The following R3HDM2 variants were observed in gnomAD, a reference collection of about 807,000 sequenced individuals.
The protein encoded by R3HDM2 is R3H domain-containing protein 2.
A neutral mutation model predicts 124.5 loss-of-function variants in R3HDM2; 38 were observed. The observed-to-expected ratio is 0.31, with a 90% confidence interval of 0.24 to 0.40. The LOEUF is 0.40. Ranked by LOEUF, R3HDM2 falls within the 10% of genes least tolerant of loss-of-function variation. The pLI is 1.00. For synonymous variants in R3HDM2, 391 were observed against 448.0 expected, an observed-to-expected ratio of 0.87 and a Z score of 1.61; for missense variants, 869 against 1,236.9, an observed-to-expected ratio of 0.70 and a Z score of 4.46.
intron 2 of R3HDM2, among the ~76,000 whole-genome samples, chr12:57,340,121 G>T (rs887639067): frequency 1.3e-5 from 2 of 152,150 alleles, no homozygotes; most frequent in South Asian, 4.1e-4. Context: ...CCTTGGTAAT[G>T]ACAAACATTT....
chr12:57,341,823 CA>C (rs1269259378), intron 2 of R3HDM2, among the ~76,000 whole-genome samples: 1 of 152,172 alleles, frequency 6.6e-6, no homozygotes, highest in Non-Finnish European at 1.5e-5. Flanking sequence ...CTGCTTCCTG[CA>C]ATGTGCGTCA....
At chr12:57,338,917 TGACCAG>T (rs2059208185) in intron 2 of R3HDM2, among the ~76,000 whole-genome samples, 1 of 152,116 alleles carries the variant, frequency 6.6e-6, no homozygotes. Context: ...AGTCTTTAAA[TGACCAG>T]GAACTGTCTT....
intron 12 of R3HDM2, among the ~76,000 whole-genome samples, chr12:57,286,784 A>T (rs1402828504): frequency 1.3e-5 from 2 of 152,182 alleles, no homozygotes; most frequent in Non-Finnish European, 2.9e-5. Context: ...AGGCTGAGGC[A>T]GGAGAATTGC....
rs1217620776 is a variant in R3HDM2 at position 57,267,603 on chromosome 12, GA to G, written c.2030+699del. Reference sequence around the variant, plus strand: ...AAATATAGTCACATAAAGACAAATAGAAAAAAATAACGCCACAAAACTCAAA... The same window carrying G: ...AAATATAGTCACATAAAGACAAATAGAAAAAATAACGCCACAAAACTCAAA... On this transcript the variant is annotated intron_variant, in intron 18 of 23. Coordinates refer to ENST00000402412, the MANE Select transcript of R3HDM2 (RefSeq NM_001394031.1). Among the ~76,000 whole-genome samples, 3 of 151,768 alleles carry G rather than the reference GA, an allele frequency of 2.0e-5. 1 individual carries two copies. The East Asian group carries it at 5.8e-4, about 29-fold the overall frequency.
At chr12:57,308,731 C>A (rs933517432) in intron 3 of R3HDM2, among the ~76,000 whole-genome samples, 1 of 152,108 alleles carries the variant, frequency 6.6e-6, no homozygotes. Flanking sequence ...TTCTGCCTAG[C>A]TTCAAGAAGT....
intron 11 of R3HDM2, among the ~76,000 whole-genome samples, chr12:57,290,302 G>A (rs929688140): frequency 8.5e-5 from 13 of 152,202 alleles, no homozygotes; most frequent in Admixed American, 5.9e-4. Context: ...GCTAGGTTAC[G>A]ATGTCACTGG....
Position 57,305,617 on chromosome 12 carries a change from A to G in R3HDM2, c.166-2400T>C, listed in dbSNP as rs545604585. 13 of 399,046 alleles carry G rather than the reference A, an allele frequency of 3.3e-5. No homozygotes were observed. In the South Asian group the frequency reaches 1.7e-3, roughly 51 times the overall value. 24.7% of individuals were successfully genotyped at this position (399,046 alleles called of 1,614,324 possible). A position where few individuals can be genotyped will look rare whatever the true frequency, so the allele number is the denominator to read the frequency against. On this transcript the variant is annotated intron_variant, in intron 3 of 23. Transcript: ENST00000402412. The stretch of plus-strand genomic sequence containing the variant: ...ATGTTATCATGCTAGCTACTGGAGG[A>G]TATGGAGATAAAAGGCACAAACCTT...
intron 1 of R3HDM2, among the ~76,000 whole-genome samples, chr12:57,406,444 CTAAT>C (rs1470075703): frequency 1.3e-5 from 2 of 150,986 alleles, no homozygotes; most frequent in Non-Finnish European, 2.9e-5. Context: ...AATAAACAAA[CTAAT>C]TATTTTGAAA....
At chr12:57,275,060 T>C (rs992240405) in intron 14 of R3HDM2, among the ~76,000 whole-genome samples, 4 of 152,148 alleles carry the variant, frequency 2.6e-5, no homozygotes, top group African/African-American at 9.7e-5. Flanking sequence ...ACTACCTGAT[T>C]TCAAAGTATA....
intron 1 of R3HDM2, chr12:57,418,149 A>G (rs1269119745): frequency 8.1e-6 from 8 of 985,230 alleles, no homozygotes; most frequent in Non-Finnish European, 9.6e-6. Context: ...TTCTTATCTC[A>G]GTAAGCAACA....
intron 6 of R3HDM2, 132 bp downstream of exon 6, chr12:57,299,220 C>T: frequency 9.9e-7 from 1 of 1,005,204 alleles, no homozygotes; most frequent in Non-Finnish European, 1.4e-6. Context: ...CCTCGTTAGG[C>T]ATCTCCTCAA....
chr12:57,267,006 T>C lies in R3HDM2; in HGVS notation c.2031-175A>G, dbSNP rs1020980560. 4 of 530,242 alleles carry C rather than the reference T, an allele frequency of 7.5e-6. No individual in the cohort carries two copies. The Admixed American group carries it at 1.3e-4, about 18-fold the overall frequency. 32.8% of individuals were successfully genotyped at this position (530,242 alleles called of 1,614,324 possible). On this transcript the variant is annotated intron_variant, in intron 18 of 23. Coordinates refer to ENST00000402412, the MANE Select transcript of R3HDM2 (RefSeq NM_001394031.1). ...TCACTCATCAGTTCAAAGTTAATTA[T>C]ATGTATTTGTACTTGATCATCTTTC...
In R3HDM2 at chr12:57,268,938, G is replaced by A. The variant is rs1462779265; in HGVS notation, c.1859C>T (p.Pro620Leu). 3.1e-6 allele frequency: 5 copies of A among 1,614,092 alleles called. No homozygotes were observed. The South Asian group carries it at 4.4e-5, about 14-fold the overall frequency. Residue 620 changes from proline (P) to leucine (L), a missense_variant, in exon 17 of 24, where the codon CCA (proline) becomes CTA (leucine). Coordinates refer to ENST00000402412, the MANE Select transcript of R3HDM2 (RefSeq NM_001394031.1). ...TGCACCCACTTGGTAAGAAGGCAGT[G>A]GAGTGTACTGAACCACCAGGCCTTG... ...QMQGLVVQYT[P>L]LPSYQVPVGS...
chr12:57,425,289 TA>T (rs1481350868), intron 1 of R3HDM2, among the ~76,000 whole-genome samples: 2 of 151,888 alleles, frequency 1.3e-5, no homozygotes, highest in African/African-American at 4.8e-5. Flanking sequence ...AAAAAAAAAT[TA>T]TTCACAAAAT....
Position 57,266,825 on chromosome 12 carries a change from A to T in R3HDM2, c.2037T>A (p.Ser679=), listed in dbSNP as rs1293337113. The part of the protein sequence containing the change: ...PPAQQNGTSP[S]VGFLQPPGSE... ...AGCCAGGGGGTTGCAGAAACCCTAC[A>T]GAAGGGCTGGGAAGACAGAGAAGAG... is the stretch of plus-strand genomic sequence containing the variant. Residue 679 remains serine (S), a synonymous_variant, in exon 19 of 24, where the codon TCT becomes TCA. Transcript: ENST00000402412. 1 of 1,598,762 alleles carries T rather than the reference A, an allele frequency of 6.3e-7. No homozygotes were observed. Among genetic ancestry groups the T allele is most frequent in the African/African-American group, 1.3e-5 (1 of 74,642 alleles).
chr12:57,403,513 A>G (rs1285494722), intron 1 of R3HDM2, among the ~76,000 whole-genome samples: 1 of 147,366 alleles, frequency 6.8e-6, no homozygotes, highest in Non-Finnish European at 1.5e-5. Context: ...AAAAAATAAA[A>G]AAGAGCAAGA....
At position 57,323,551 on chromosome 12, in the gene R3HDM2, G is replaced by T. The variant is rs149107515; in HGVS notation, c.-35-13088C>A. 4.4e-3 allele frequency among the ~76,000 whole-genome samples: 666 copies of T among 152,318 alleles called. 7 individuals carry two copies. Among genetic ancestry groups the T allele is most frequent in the African/African-American group, 0.015 (607 of 41,566 alleles). On this transcript the variant is annotated intron_variant, in intron 2 of 23. Transcript: ENST00000402412. Reference sequence around the variant, plus strand: ...TCATTCTGTTCTGTAACTGCAAAAGGATTCACTGGTGTGTAAGGAAACCCA... The same window carrying T: ...TCATTCTGTTCTGTAACTGCAAAAGTATTCACTGGTGTGTAAGGAAACCCA...
chr12:57,348,715 AAAAAAAGAG>A (rs1262713355), intron 2 of R3HDM2, among the ~76,000 whole-genome samples: 574 of 27,130 alleles, frequency 0.021, 49 homozygotes, highest in South Asian at 0.11. Context: ...AAAAAAAAAA[AAAAAAAGAG>A]AGAGAAAAAT....
intron 3 of R3HDM2, among the ~76,000 whole-genome samples, chr12:57,308,740 G>T (rs1190190822): frequency 2.0e-5 from 3 of 152,104 alleles, no homozygotes; most frequent in Non-Finnish European, 4.4e-5. Flanking sequence ...GCTTCAAGAA[G>T]TACACAAAAC....
Sources: gnomAD v4.1 joint callset for allele counts (sites outside exome capture counted in the v4.1 genomes callset) on GRCh38, gnomAD v4.1.1 for gene constraint, MANE v1.5 for transcripts, NCBI Gene and HGNC (gene_info 2026-07-23, HGNC 2026-07-21) for gene names.